Variants in EXOC6B observed in about 807,000 individuals in gnomAD.
EXOC6B encodes SEC15 homolog B.
In EXOC6B, 54 loss-of-function variants were observed where a neutral mutation model predicts 113.5. The ratio of observed to expected loss-of-function variants is 0.48; its 90% CI spans 0.38 to 0.60. The LOEUF (loss-of-function observed/expected upper bound fraction) is 0.60, where lower values mean the gene tolerates loss of function less well. Ranked by LOEUF, EXOC6B falls within the 20% of genes least tolerant of loss-of-function variation. The pLI, the probability that EXOC6B is intolerant of heterozygous loss-of-function variation, is 0.00. For synonymous variants in EXOC6B, 357 were observed against 339.0 expected (o/e 1.05, Z -0.58); for missense variants, 797 against 977.5 (o/e 0.82, Z 2.46).
In EXOC6B at chr2:72,506,218, G is replaced by C. The variant is rs140578964; in HGVS notation, c.1168-6246C>G. 4.2e-4 allele frequency among the ~76,000 whole-genome samples: 64 copies of C among 152,186 alleles called. 1 individual carries two copies. Among genetic ancestry groups the C allele is most frequent in the African/African-American group, 1.2e-3 (50 of 41,552 alleles). On this transcript the variant is annotated intron_variant, in intron 11 of 21. Transcript: ENST00000272427. ...ATAAAAACGCAAAAAAAATTAAGAT[G>C]AATTGGCATTTCCTTGTGTCTATTC...
chr2:72,642,950 C>T (rs1170670788), intron 6 of EXOC6B, among the ~76,000 whole-genome samples: 11 of 148,662 alleles, frequency 7.4e-5, no homozygotes, highest in Admixed American at 1.3e-4. Flanking sequence ...AAAAAGTGGG[C>T]AAAGGACATG....
At chr2:72,644,613 AAG>A (rs1451062128) in intron 6 of EXOC6B, among the ~76,000 whole-genome samples, 1 of 152,228 alleles carries the variant, frequency 6.6e-6, no homozygotes, top group Admixed American at 6.5e-5. Flanking sequence ...TATAAGCCAG[AAG>A]AGAGTGGGGG....
At chr2:72,465,447 C>T (rs1181058710) in intron 17 of EXOC6B, 108 bp from the exon 18 acceptor site, 3 of 783,680 alleles carry the variant, frequency 3.8e-6, no homozygotes, top group Non-Finnish European at 6.0e-6. Context: ...GGGAATATAA[C>T]TGGGAATACT....
intron 1 of EXOC6B, among the ~76,000 whole-genome samples, chr2:72,775,852 C>T (rs1237478374): frequency 6.6e-6 from 1 of 152,074 alleles, no homozygotes; most frequent in Admixed American, 6.6e-5. Context: ...AATACACATA[C>T]CTACATGAGA....
chr2:72,554,239 C>G (rs761459771), intron 8 of EXOC6B, among the ~76,000 whole-genome samples: 1 of 152,144 alleles, frequency 6.6e-6, no homozygotes, highest in Non-Finnish European at 1.5e-5. Context: ...GGAAGTCAAG[C>G]AGACTTTCCA....
chr2:72,559,580 T>G, intron 7 of EXOC6B, 59 bp from the exon 8 acceptor site: 10 of 1,325,674 alleles, frequency 7.5e-6, no homozygotes, highest in Non-Finnish European at 9.6e-6. Flanking sequence ...GCAACTACAT[T>G]AATTGTTACT....
chr2:72,310,811 C>T (rs1325219331), intron 20 of EXOC6B, among the ~76,000 whole-genome samples: 2 of 151,508 alleles, frequency 1.3e-5, no homozygotes, highest in African/African-American at 4.9e-5. Context: ...TATTAAGCCT[C>T]TACCATATGC....
At chr2:72,262,231 C>G (rs1683773604) in intron 20 of EXOC6B, among the ~76,000 whole-genome samples, 1 of 151,928 alleles carries the variant, frequency 6.6e-6, no homozygotes, top group Non-Finnish European at 1.5e-5. Context: ...TGGGTCTCCA[C>G]TCCTGCCCAC....
intron 6 of EXOC6B, among the ~76,000 whole-genome samples, chr2:72,580,135 A>T (rs1203373040): frequency 4.3e-5 from 4 of 93,772 alleles, no homozygotes; most frequent in East Asian, 2.9e-4. Flanking sequence ...AGAAATAAGA[A>T]TTTTTTTTTT....
rs1271453948 is a variant in EXOC6B at position 72,515,717 on chromosome 2, A to G, written c.916-591T>C. The G allele has an allele frequency of 4.1e-6, 4 of 987,156 alleles. No individual in the cohort carries two copies. In the East Asian group the frequency reaches 4.5e-4, roughly 112 times the overall value. 61.1% of individuals were successfully genotyped at this position (987,156 alleles called of 1,614,324 possible). A position where few individuals can be genotyped will look rare whatever the true frequency, so the allele number is the denominator to read the frequency against. ...GCTTAAAATGAGAAGTGCTCTACAT[A>G]ATAATATCTGACTCATGAGCTGTGT... On this transcript the variant is annotated intron_variant, in intron 8 of 21. Coordinates refer to ENST00000272427, the MANE Select transcript of EXOC6B (RefSeq NM_015189.3).
chr2:72,299,853 G>A (rs1403491021), intron 20 of EXOC6B, among the ~76,000 whole-genome samples: 1 of 152,120 alleles, frequency 6.6e-6, no homozygotes, highest in Non-Finnish European at 1.5e-5. Flanking sequence ...TGTTTGCCTG[G>A]GTATCACCAG....
At position 72,207,421 on chromosome 2, in the gene EXOC6B, G is replaced by C. The variant is rs560290215; in HGVS notation, c.2197-23234C>G. Among the ~76,000 whole-genome samples the C allele has an allele frequency of 5.3e-5, 8 of 152,276 alleles. No individual in the cohort carries two copies. In the South Asian group the frequency reaches 1.0e-3, roughly 20 times the overall value. On this transcript the variant is annotated intron_variant, in intron 20 of 21. Transcript: ENST00000272427. ...TCATCTAACCTCTATAATCCAGTCT[G>C]ATCATTTATATAATGCAGATAATAG...
At chr2:72,705,354 A>C (rs1389535325) in intron 6 of EXOC6B, among the ~76,000 whole-genome samples, 1 of 152,152 alleles carries the variant, frequency 6.6e-6, no homozygotes, top group African/African-American at 2.4e-5. Context: ...TCTATGACAA[A>C]CCCACAGCCA....
intron 17 of EXOC6B, among the ~76,000 whole-genome samples, chr2:72,470,078 C>G (rs776302307): frequency 6.6e-6 from 1 of 151,870 alleles, no homozygotes; most frequent in African/African-American, 2.4e-5. Context: ...TTTTAGTTCC[C>G]TATGAATTTT....
At chr2:72,420,628 A>G (rs1372312500) in intron 18 of EXOC6B, among the ~76,000 whole-genome samples, 5 of 152,036 alleles carry the variant, frequency 3.3e-5, no homozygotes, top group African/African-American at 1.2e-4. Context: ...TTCTTAATCA[A>G]TCTATCATTG....
chr2:72,429,564 G>A (rs962670174), intron 18 of EXOC6B, among the ~76,000 whole-genome samples: 1 of 152,108 alleles, frequency 6.6e-6, no homozygotes, highest in Non-Finnish European at 1.5e-5. Context: ...TAATTTCAGT[G>A]GTAGCAATTA....
At chr2:72,269,655 C>T (rs773701870) in intron 20 of EXOC6B, among the ~76,000 whole-genome samples, 7 of 152,098 alleles carry the variant, frequency 4.6e-5, no homozygotes, top group Non-Finnish European at 7.4e-5. Flanking sequence ...AAAAAAAAGG[C>T]AACCTTTGAC....
At chr2:72,599,873 C>T (rs746848159) in intron 6 of EXOC6B, among the ~76,000 whole-genome samples, 7 of 151,696 alleles carry the variant, frequency 4.6e-5, no homozygotes, top group Admixed American at 1.3e-4. Context: ...AACTACAAAA[C>T]TGTTATTAAA....
At chr2:72,306,115 T>C (rs1220334080) in intron 20 of EXOC6B, among the ~76,000 whole-genome samples, 5 of 152,220 alleles carry the variant, frequency 3.3e-5, no homozygotes, top group African/African-American at 1.2e-4. Context: ...CAGTAAGGGA[T>C]CTCTCAACAT....
Sources: allele counts gnomAD v4.1 joint callset (sites outside exome capture counted in the v4.1 genomes callset), GRCh38; gene constraint gnomAD v4.1.1; transcripts MANE v1.5; gene names NCBI Gene and HGNC (gene_info 2026-07-23, HGNC 2026-07-21).